The following ERBB4 variants were observed in gnomAD, a reference collection of about 807,000 sequenced individuals.
ERBB4 encodes receptor tyrosine-protein kinase erbB-4.
Under a neutral mutation model 158.0 loss-of-function variants are expected in ERBB4, and 42 were observed. That is an observed-to-expected ratio of 0.27 (90% CI 0.21 to 0.34). ERBB4 has a LOEUF of 0.34. ERBB4 is among the 10% of genes least tolerant of loss of function. The pLI, the probability that ERBB4 is intolerant of heterozygous loss-of-function variation, is 1.00. For missense variants in ERBB4, 1,333 were observed against 1,624.1 expected, an observed-to-expected ratio of 0.82 and a Z score of 3.08; for synonymous variants, 583 against 558.7, an observed-to-expected ratio of 1.04 and a Z score of -0.61.
At chr2:212,453,975 C>T (rs185030256) in intron 1 of ERBB4, among the ~76,000 whole-genome samples, 22 of 149,852 alleles carry the variant, frequency 1.5e-4, no homozygotes, top group African/African-American at 4.7e-4. Context: ...AAGTCTCACT[C>T]TATTGCCCAA....
At chr2:211,723,739 T>G (rs559873449) in intron 6 of ERBB4, among the ~76,000 whole-genome samples, 1 of 152,294 alleles carries the variant, frequency 6.6e-6, no homozygotes, top group African/African-American at 2.4e-5. Flanking sequence ...ACTAACATAT[T>G]TTATGCAATG....
At chr2:211,764,770 T>C (rs1293070299) in intron 4 of ERBB4, among the ~76,000 whole-genome samples, 1 of 152,116 alleles carries the variant, frequency 6.6e-6, no homozygotes, top group African/African-American at 2.4e-5. Flanking sequence ...CAAAATATAT[T>C]AGAACACACA....
Position 211,380,711 on chromosome 2 carries a change from T to C in ERBB4, c.*2904A>G, listed in dbSNP as rs547157064. Reference sequence around the variant, plus strand: ...CTACAGAAATCATTCAAAAGAATTATAAAGTGGTGCTATTATAAAGCATTT... The same window carrying C: ...CTACAGAAATCATTCAAAAGAATTACAAAGTGGTGCTATTATAAAGCATTT... On this transcript the variant is annotated 3_prime_UTR_variant, in exon 28 of 28. Coordinates refer to ENST00000342788, the MANE Select transcript of ERBB4 (RefSeq NM_005235.3). The C allele has an allele frequency of 9.5e-5, 22 of 232,012 alleles. No homozygotes were observed. The highest frequency in any genetic ancestry group is 1.2e-4 in the Non-Finnish European group (14 of 117,306). 14.4% of individuals were successfully genotyped at this position (232,012 alleles called of 1,614,324 possible). A position where few individuals can be genotyped will look rare whatever the true frequency, so the allele number is the denominator to read the frequency against.
chr2:212,413,177 G>A (rs1313172733), intron 1 of ERBB4, among the ~76,000 whole-genome samples: 4 of 143,580 alleles, frequency 2.8e-5, no homozygotes, highest in African/African-American at 7.8e-5. Flanking sequence ...TCGTAGAGAC[G>A]GGGTTTCACT....
intron 2 of ERBB4, among the ~76,000 whole-genome samples, chr2:212,020,505 G>A (rs1166203071): frequency 6.6e-6 from 1 of 151,776 alleles, no homozygotes; most frequent in Non-Finnish European, 1.5e-5. Context: ...TTTTAAGCTA[G>A]GTTAACTTAT....
At chr2:211,732,216 T>C (rs1475182899) in intron 5 of ERBB4, among the ~76,000 whole-genome samples, 1 of 152,168 alleles carries the variant, frequency 6.6e-6, no homozygotes, top group Non-Finnish European at 1.5e-5. Context: ...CAAAAATTGT[T>C]GCCTCACAGA....
intron 1 of ERBB4, among the ~76,000 whole-genome samples, chr2:212,186,929 T>C (rs1039803243): frequency 6.6e-6 from 1 of 152,136 alleles, no homozygotes. Context: ...CTGAAGGTAA[T>C]GAACTAAGTT....
chr2:211,679,979 A>C (rs1371911291), intron 12 of ERBB4, among the ~76,000 whole-genome samples: 3 of 152,158 alleles, frequency 2.0e-5, no homozygotes, highest in Non-Finnish European at 4.4e-5. Context: ...TGCGCCAACC[A>C]AAATATAAGT....
chr2:211,524,138 G>A (rs532129843), intron 20 of ERBB4, among the ~76,000 whole-genome samples: 1 of 152,000 alleles, frequency 6.6e-6, no homozygotes, highest in African/African-American at 2.4e-5. Flanking sequence ...TACGATCCCT[G>A]AGCTAGACAT....
rs910214961 is a variant in ERBB4 at position 212,308,128 on chromosome 2, C to A, written c.83-183225G>T. Among the ~76,000 whole-genome samples the A allele has an allele frequency of 6.0e-5, 9 of 150,958 alleles. No individual in the cohort carries two copies. In the Admixed American group the frequency reaches 6.0e-4, roughly 10 times the overall value. ...AGATGAGAGTTGTCTAATAAAAATA[C>A]TTGGTTGTTTATTTTGACATAAATG... On this transcript the variant is annotated intron_variant, in intron 1 of 27. Coordinates refer to ENST00000342788, the MANE Select transcript of ERBB4 (RefSeq NM_005235.3).
chr2:211,942,032 G>A (rs973935861), intron 3 of ERBB4, among the ~76,000 whole-genome samples: 2 of 152,038 alleles, frequency 1.3e-5, no homozygotes, highest in African/African-American at 4.8e-5. Flanking sequence ...TAGGTGGTAG[G>A]CCAGGTCTTT....
chr2:211,827,636 A>G (rs1439244), intron 3 of ERBB4, among the ~76,000 whole-genome samples: 1,859 of 152,004 alleles, frequency 0.012, 32 homozygotes, highest in African/African-American at 0.042. Context: ...AGTAAATTAA[A>G]TTTTGCTATC....
At chr2:211,783,062 T>C (rs1468566688) in intron 4 of ERBB4, among the ~76,000 whole-genome samples, 1 of 152,152 alleles carries the variant, frequency 6.6e-6, no homozygotes. Flanking sequence ...TGGTTTGTAG[T>C]TCTGCTTGAA....
At chr2:211,554,899 A>G (rs987425731) in intron 20 of ERBB4, among the ~76,000 whole-genome samples, 1 of 152,210 alleles carries the variant, frequency 6.6e-6, no homozygotes, top group Non-Finnish European at 1.5e-5. Context: ...TTAATACCTG[A>G]GTTAAACAAA....
chr2:212,457,987 A>C (rs1269371280), intron 1 of ERBB4, among the ~76,000 whole-genome samples: 1 of 152,000 alleles, frequency 6.6e-6, no homozygotes, highest in Non-Finnish European at 1.5e-5. Flanking sequence ...ATGATACACA[A>C]AGTATTCACC....
chr2:212,489,330 G>A (rs565212181), intron 1 of ERBB4, among the ~76,000 whole-genome samples: 9 of 151,840 alleles, frequency 5.9e-5, no homozygotes, highest in Non-Finnish European at 1.3e-4. Context: ...AGGTAACAAG[G>A]CTTGAGGCTC....
At chr2:211,731,912 T>C (rs1436749572) in intron 5 of ERBB4, among the ~76,000 whole-genome samples, 4 of 152,124 alleles carry the variant, frequency 2.6e-5, no homozygotes, top group African/African-American at 4.8e-5. Flanking sequence ...CAGGGCCAGG[T>C]AGAAACTAAA....
intron 3 of ERBB4, among the ~76,000 whole-genome samples, chr2:211,794,856 G>A (rs1391464279): frequency 6.6e-6 from 1 of 151,726 alleles, no homozygotes; most frequent in Non-Finnish European, 1.5e-5. Flanking sequence ...CCCGAGATTT[G>A]TATTCTCCCT....
intron 5 of ERBB4, among the ~76,000 whole-genome samples, chr2:211,735,234 T>C (rs1489051744): frequency 6.8e-6 from 1 of 148,080 alleles, no homozygotes; most frequent in Admixed American, 6.7e-5. Flanking sequence ...AAAAAAAAAC[T>C]ATACTAAAAT....
Sources: allele counts gnomAD v4.1 joint callset (sites outside exome capture counted in the v4.1 genomes callset), GRCh38; gene constraint gnomAD v4.1.1; transcripts MANE v1.5; gene names NCBI Gene and HGNC (gene_info 2026-07-23, HGNC 2026-07-21).